PDE4D: variants seen among roughly 807,000 people sequenced by gnomAD.
PDE4D encodes phosphodiesterase 4D.
PDE4D carries 24 observed loss-of-function variants against 87.4 expected under a neutral mutation model. The ratio of observed to expected loss-of-function variants is 0.27; its 90% CI spans 0.20 to 0.39. The LOEUF is 0.39. PDE4D is among the 10% of genes least tolerant of loss of function. The pLI is 1.00. For missense variants in PDE4D, 714 were observed against 1,041.0 expected, an observed-to-expected ratio of 0.69 and a Z score of 4.32; for synonymous variants, 384 against 383.2, an observed-to-expected ratio of 1.00 and a Z score of -0.02.
intron 1 of PDE4D, among the ~76,000 whole-genome samples, chr5:60,250,142 C>T (rs149159425): frequency 8.6e-5 from 13 of 152,006 alleles, no homozygotes; most frequent in Non-Finnish European, 1.5e-4. Context: ...CTGGAGTCAA[C>T]ATTAAAAGAG....
At chr5:60,328,763 C>A (rs1274650764) in intron 1 of PDE4D, among the ~76,000 whole-genome samples, 1 of 152,114 alleles carries the variant, frequency 6.6e-6, no homozygotes, top group East Asian at 1.9e-4. Context: ...CAGAATATGC[C>A]ATTTTGGTAT....
chr5:60,291,599 GC>G (rs1752902651), intron 1 of PDE4D, among the ~76,000 whole-genome samples: 2 of 151,626 alleles, frequency 1.3e-5, no homozygotes, highest in African/African-American at 4.8e-5. Context: ...AAAGACAAAG[GC>G]CTGAAAAGAC....
At chr5:60,497,454 G>A (rs994243472) in intron 1 of PDE4D, among the ~76,000 whole-genome samples, 3 of 151,868 alleles carry the variant, frequency 2.0e-5, no homozygotes, top group Admixed American at 6.6e-5. Flanking sequence ...CCAGGCTGGA[G>A]TGCAGTGGTG....
chr5:60,509,967 C>G (rs190222747), intron 1 of PDE4D, among the ~76,000 whole-genome samples: 23 of 152,266 alleles, frequency 1.5e-4, no homozygotes, highest in Admixed American at 9.1e-4. Context: ...GCTGAGGAAC[C>G]AACCCATAGG....
chr5:58,986,979 T>C (rs1469777901), intron 11 of PDE4D, among the ~76,000 whole-genome samples: 1 of 134,106 alleles, frequency 7.5e-6, no homozygotes, highest in Non-Finnish European at 1.6e-5. Flanking sequence ...ATATATACCT[T>C]TAACACAAAA....
intron 1 of PDE4D, among the ~76,000 whole-genome samples, chr5:59,512,800 T>C (rs1810493701): frequency 6.6e-6 from 1 of 152,076 alleles, no homozygotes; most frequent in Non-Finnish European, 1.5e-5. Context: ...TGTAATAAAA[T>C]CTTATCACAG....
chr5:59,094,211 C>T (rs1458429043), intron 5 of PDE4D, among the ~76,000 whole-genome samples: 6 of 89,586 alleles, frequency 6.7e-5, no homozygotes, highest in South Asian at 8.2e-4. Flanking sequence ...AGCAAGACTC[C>T]GTCTCAAAAA....
At chr5:59,501,918 G>T (rs1808355056) in intron 1 of PDE4D, among the ~76,000 whole-genome samples, 1 of 152,146 alleles carries the variant, frequency 6.6e-6, no homozygotes, top group South Asian at 2.1e-4. Flanking sequence ...ACCTGAAGAT[G>T]CATGAGAATG....
chr5:59,025,489 T>G (rs1756043773), intron 6 of PDE4D, among the ~76,000 whole-genome samples: 1 of 152,246 alleles, frequency 6.6e-6, no homozygotes, highest in Non-Finnish European at 1.5e-5. Context: ...CACTTGTATT[T>G]TTGCATGGTT....
chr5:59,364,958 G>T (rs1782820066), intron 1 of PDE4D, among the ~76,000 whole-genome samples: 1 of 151,988 alleles, frequency 6.6e-6, no homozygotes, highest in Non-Finnish European at 1.5e-5. Context: ...TATGCCAGCT[G>T]CCTGCTAGTA....
At chr5:59,124,254 G>A (rs1228806002) in intron 5 of PDE4D, among the ~76,000 whole-genome samples, 41 of 152,170 alleles carry the variant, frequency 2.7e-4, no homozygotes, top group Admixed American at 2.7e-3. Context: ...GACACGTGAG[G>A]ACCAAGGAGT....
chr5:59,382,192 G>A (rs1394697812), intron 1 of PDE4D, among the ~76,000 whole-genome samples: 1 of 151,958 alleles, frequency 6.6e-6, no homozygotes, highest in Non-Finnish European at 1.5e-5. Context: ...TACAAACACT[G>A]CATAGATTTA....
At chr5:60,467,885 G>A (rs911851957) in intron 1 of PDE4D, among the ~76,000 whole-genome samples, 1 of 152,038 alleles carries the variant, frequency 6.6e-6, no homozygotes, top group African/African-American at 2.4e-5. Flanking sequence ...ATTATCACAA[G>A]AACAACAAGG....
chr5:60,309,215 C>A (rs1475686192), intron 1 of PDE4D, among the ~76,000 whole-genome samples: 2 of 150,486 alleles, frequency 1.3e-5, no homozygotes, highest in African/African-American at 2.5e-5. Context: ...AGTCTGGGGA[C>A]AGGGAGAAAC....
intron 2 of PDE4D, among the ~76,000 whole-genome samples, chr5:60,059,040 A>ATGTGTGTGTGTGTG (rs70975363): frequency 0.07 from 9,938 of 142,264 alleles, 405 homozygotes; most frequent in East Asian, 0.18. Flanking sequence ...GCATTGTCAT[A>ATGTGTGTGTGTGTG]TGTGTGTGTG....
chr5:59,949,105 T>C (rs1422437995), intron 3 of PDE4D, among the ~76,000 whole-genome samples: 2 of 152,132 alleles, frequency 1.3e-5, no homozygotes, highest in African/African-American at 4.8e-5. Flanking sequence ...TGTGTGTGTG[T>C]GCGCATGCAC....
chr5:60,223,760 T>G (rs938146846), intron 1 of PDE4D, among the ~76,000 whole-genome samples: 1 of 152,150 alleles, frequency 6.6e-6, no homozygotes, highest in African/African-American at 2.4e-5. Flanking sequence ...GATATTGATC[T>G]CACAAGCTGC....
At chr5:59,227,053 C>A (rs1391753858) in intron 1 of PDE4D, among the ~76,000 whole-genome samples, 1 of 152,206 alleles carries the variant, frequency 6.6e-6, no homozygotes, top group Non-Finnish European at 1.5e-5. Flanking sequence ...TGAGAGTCAG[C>A]TGTAGTCCCA....
chr5:60,447,931 T>A (rs1745781875), intron 1 of PDE4D, among the ~76,000 whole-genome samples: 1 of 152,176 alleles, frequency 6.6e-6, no homozygotes, highest in Non-Finnish European at 1.5e-5. Flanking sequence ...TATATGTTTT[T>A]AAATTTACTT....
Sources: allele counts gnomAD v4.1 joint callset (sites outside exome capture counted in the v4.1 genomes callset), GRCh38; gene constraint gnomAD v4.1.1; transcripts MANE v1.5; gene names NCBI Gene and HGNC (gene_info 2026-07-23, HGNC 2026-07-21).